HERC4: variants seen among roughly 807,000 people sequenced by gnomAD.
HERC4 encodes probable E3 ubiquitin-protein ligase HERC4.
HERC4 carries 28 observed loss-of-function variants against 124.3 expected under a neutral mutation model. The ratio of observed to expected loss-of-function variants is 0.23; its 90% confidence interval spans 0.17 to 0.31. The LOEUF is 0.31. Among genes scored for constraint, HERC4 ranks in the 10% least tolerant of loss-of-function variants. The pLI, the probability that HERC4 is intolerant of heterozygous loss-of-function variation, is 1.00. For missense variants in HERC4, 713 were observed against 1,229.3 expected, an observed-to-expected ratio of 0.58 and a Z score of 6.28; for synonymous variants, 407 against 421.5, an observed-to-expected ratio of 0.97 and a Z score of 0.42.
rs149685089 is a variant in HERC4 at position 67,988,746 on chromosome 10, T to C, written c.1723A>G (p.Lys575Glu). 3 of 1,608,090 alleles carry C rather than the reference T, an allele frequency of 1.9e-6. No homozygotes were observed. Among genetic ancestry groups the C allele is most frequent in the African/African-American group, 1.3e-5 (1 of 74,772 alleles). Residue 575 changes from lysine (K) to glutamate (E), a missense_variant, in exon 15 of 25, where the codon AAG (lysine) becomes GAG (glutamate). Transcript: ENST00000373700. Reference sequence around the variant, plus strand: ...CTTTCAGAAGGGGGAATACCGATCTTGTAGAGTTTCAAAAGATGTACCACA... The same window carrying C: ...CTTTCAGAAGGGGGAATACCGATCTCGTAGAGTTTCAAAAGATGTACCACA... ...EVVVHLLKLY[K>E]IGIPPSERRI...
intron 15 of HERC4, among the ~76,000 whole-genome samples, chr10:67,986,300 T>C (rs2036255093): frequency 6.6e-6 from 1 of 152,220 alleles, no homozygotes; most frequent in African/African-American, 2.4e-5. Context: ...TCCATTCAAG[T>C]GGTGGTGGTA....
intron 23 of HERC4, among the ~76,000 whole-genome samples, chr10:67,931,626 T>C (rs1477285980): frequency 6.6e-6 from 1 of 152,156 alleles, no homozygotes; most frequent in African/African-American, 2.4e-5. Context: ...GGTTTCACCA[T>C]GTTGGCAAGG....
intron 8 of HERC4, among the ~76,000 whole-genome samples, chr10:68,021,885 A>G (rs1321990682): frequency 6.6e-6 from 1 of 152,226 alleles, no homozygotes. Flanking sequence ...TGATATGATC[A>G]TATATGTAGA....
chr10:67,950,873 C>G (rs1303839688), intron 19 of HERC4, among the ~76,000 whole-genome samples: 1 of 152,202 alleles, frequency 6.6e-6, no homozygotes, highest in African/African-American at 2.4e-5. Flanking sequence ...ACTTAGCACC[C>G]AGAGCTTGAT....
intron 3 of HERC4, among the ~76,000 whole-genome samples, chr10:68,063,377 T>C (rs2041132119): frequency 6.6e-6 from 1 of 151,984 alleles, no homozygotes; most frequent in South Asian, 2.1e-4. Flanking sequence ...CCAGCTAATT[T>C]TTCTGGTTTT....
intron 3 of HERC4, among the ~76,000 whole-genome samples, chr10:68,054,343 T>C (rs1463547417): frequency 6.6e-6 from 1 of 152,074 alleles, no homozygotes; most frequent in Non-Finnish European, 1.5e-5. Flanking sequence ...AGTTGAAGTA[T>C]TTAATGATTT....
chr10:67,957,719 A>T (rs561414404), intron 16 of HERC4, among the ~76,000 whole-genome samples: 2 of 152,286 alleles, frequency 1.3e-5, no homozygotes, highest in South Asian at 4.1e-4. Context: ...CCTGACTCAG[A>T]GCCCCTGCTA....
chr10:68,069,689 T>C (rs2041472762), intron 3 of HERC4: 15 of 985,410 alleles, frequency 1.5e-5, no homozygotes, highest in Non-Finnish European at 1.8e-5. Context: ...AGCCAACCTA[T>C]GTAAAGAAAC....
At chr10:67,966,936 G>C (rs776800231) in intron 15 of HERC4, 134 bp from the exon 16 acceptor site, 2 of 534,088 alleles carry the variant, frequency 3.7e-6, no homozygotes, top group Non-Finnish European at 6.0e-6. Context: ...CTCACTGCAA[G>C]CTCTGCCTCC....
Position 67,997,026 on chromosome 10 carries a change from C to G in HERC4, c.1070-4344G>C, listed in dbSNP as rs139893117. On this transcript the variant is annotated intron_variant, in intron 9 of 24. Transcript: ENST00000373700. ...AAAAAAAAGAAAATCATTATGACTT[C>G]AAGAACCCTCTGAGATAGAAATACT... 2.9e-3 allele frequency among the ~76,000 whole-genome samples: 447 copies of G among 151,942 alleles called. 1 individual carries two copies. The highest frequency in any genetic ancestry group is 0.01 in the African/African-American group (435 of 41,466).
At chr10:67,931,630 G>A (rs934225869) in intron 23 of HERC4, among the ~76,000 whole-genome samples, 4 of 151,900 alleles carry the variant, frequency 2.6e-5, no homozygotes, top group Non-Finnish European at 5.9e-5. Context: ...TCACCATGTT[G>A]GCAAGGCTGG....
chr10:67,974,502 T>C (rs145908882), intron 15 of HERC4, among the ~76,000 whole-genome samples: 1 of 152,256 alleles, frequency 6.6e-6, no homozygotes, highest in Non-Finnish European at 1.5e-5. Flanking sequence ...ACTCAGTAAA[T>C]ATATAAATCT....
At position 68,044,745 on chromosome 10, in the gene HERC4, T is replaced by C. The variant is rs3814178; in HGVS notation, c.227-182A>G. Among the ~76,000 whole-genome samples the C allele has an allele frequency of 7.2e-5, 11 of 152,280 alleles. No individual in the cohort carries two copies. In the East Asian group the frequency reaches 2.1e-3, roughly 29 times the overall value. On this transcript the variant is annotated intron_variant, in intron 3 of 24. Coordinates refer to ENST00000373700, the MANE Select transcript of HERC4 (RefSeq NM_015601.4). ...GTTATTTTGAACTATTCAACAAATA[T>C]GTTCCAAACGTAATTCTCATTGTGG...
chr10:68,050,176 A>C (rs2040226373), intron 3 of HERC4, among the ~76,000 whole-genome samples: 1 of 152,168 alleles, frequency 6.6e-6, no homozygotes, highest in South Asian at 2.1e-4. Context: ...TGGGCAACCA[A>C]AGTGAGACCC....
chr10:67,929,943 A>G (rs1012169111), intron 23 of HERC4, among the ~76,000 whole-genome samples: 5 of 152,012 alleles, frequency 3.3e-5, no homozygotes, highest in Non-Finnish European at 5.9e-5. Context: ...CCTCCCGAGC[A>G]GCTGGGATTA....
intron 8 of HERC4, among the ~76,000 whole-genome samples, chr10:68,018,819 A>G (rs2038419742): frequency 1.3e-5 from 2 of 151,952 alleles, no homozygotes; most frequent in South Asian, 4.1e-4. Context: ...GATTATTAGA[A>G]AAGTTAATAT....
Position 68,044,700 on chromosome 10 carries a change from A to G in HERC4, c.227-137T>C. The G allele has an allele frequency of 9.6e-6, 7 of 732,480 alleles. No homozygotes were observed. In the South Asian group the frequency reaches 1.3e-4, roughly 13 times the overall value. 45.4% of individuals were successfully genotyped at this position (732,480 alleles called of 1,614,324 possible). On this transcript the variant is annotated intron_variant, in intron 3 of 24. Transcript: ENST00000373700. ...ACAAACAAGCTAAAGAAATGCTTAAACACACACTAGATATAACCAGTTATT... is the reference window on the plus strand; with the variant it reads ...ACAAACAAGCTAAAGAAATGCTTAAGCACACACTAGATATAACCAGTTATT...
intron 3 of HERC4, among the ~76,000 whole-genome samples, chr10:68,062,854 A>G (rs1450982806): frequency 6.6e-6 from 1 of 152,162 alleles, no homozygotes; most frequent in African/African-American, 2.4e-5. Flanking sequence ...TCCTTTATAA[A>G]TCCATGGTAA....
chr10:67,974,756 T>C (rs566462065), intron 15 of HERC4, among the ~76,000 whole-genome samples: 7 of 152,218 alleles, frequency 4.6e-5, no homozygotes, highest in Admixed American at 4.6e-4. Flanking sequence ...GTATTCCTAA[T>C]AGAGAAAGAG....
Sources: gnomAD v4.1 joint callset for allele counts (sites outside exome capture counted in the v4.1 genomes callset) on GRCh38, gnomAD v4.1.1 for gene constraint, MANE v1.5 for transcripts, NCBI Gene and HGNC (gene_info 2026-07-23, HGNC 2026-07-21) for gene names.